The following PTPRD variants were observed in gnomAD, a reference collection of about 807,000 sequenced individuals.
The protein encoded by PTPRD is protein tyrosine phosphatase receptor type D.
Under a neutral mutation model 214.5 loss-of-function variants are expected in PTPRD, and 34 were observed. The observed-to-expected ratio is 0.16, with a 90% CI of 0.12 to 0.21. The LOEUF (loss-of-function observed/expected upper bound fraction) is 0.21, where lower values mean the gene tolerates loss of function less well. Ranked by LOEUF, PTPRD falls within the 10% of genes least tolerant of loss-of-function variation. The probability of loss-of-function intolerance (pLI) is 1.00; values close to 1 mark genes in which losing one functional copy is unlikely to be tolerated. For synonymous variants in PTPRD, 1,128 were observed against 845.7 expected, an observed-to-expected ratio of 1.33 and a Z score of -5.79; for missense variants, 2,545 against 2,398.7, an observed-to-expected ratio of 1.06 and a Z score of -1.27.
At chr9:9,601,134 T>G (rs1483899709) in intron 7 of PTPRD, among the ~76,000 whole-genome samples, 1 of 121,344 alleles carries the variant, frequency 8.2e-6, no homozygotes, top group African/African-American at 3.8e-5. Flanking sequence ...TGTGTGTGTG[T>G]GTGTGTGTGT....
chr9:10,276,296 G>C (rs78006638), intron 3 of PTPRD, among the ~76,000 whole-genome samples: 1,787 of 152,256 alleles, frequency 0.012, 19 homozygotes, highest in Non-Finnish European at 0.017. Context: ...GCATGACACA[G>C]CTACACAATC....
intron 4 of PTPRD, among the ~76,000 whole-genome samples, chr9:9,952,693 C>A (rs1055213991): frequency 6.6e-6 from 1 of 152,062 alleles, no homozygotes; most frequent in African/African-American, 2.4e-5. Context: ...TAACTATTCA[C>A]TGGGGAAAGG....
intron 35 of PTPRD, among the ~76,000 whole-genome samples, chr9:8,430,162 T>A (rs1373448911): frequency 6.6e-6 from 1 of 152,222 alleles, no homozygotes; most frequent in Admixed American, 6.5e-5. Flanking sequence ...AGTATTTCTA[T>A]TAGAAAACTG....
intron 2 of PTPRD, among the ~76,000 whole-genome samples, chr9:10,549,115 T>A (rs1210047582): frequency 1.3e-5 from 2 of 152,204 alleles, no homozygotes; most frequent in African/African-American, 2.4e-5. Flanking sequence ...CTTATCAATA[T>A]ATGTCCTGCG....
At chr9:10,219,491 G>A (rs1301668561) in intron 3 of PTPRD, among the ~76,000 whole-genome samples, 2 of 151,848 alleles carry the variant, frequency 1.3e-5, no homozygotes, top group East Asian at 1.9e-4. Flanking sequence ...GCAAAGGAAT[G>A]TAATTTAAAT....
Position 9,246,653 on chromosome 9 carries a change from A to G in PTPRD, c.-202-63290T>C, listed in dbSNP as rs1021779324. Among the ~76,000 whole-genome samples, 5 of 152,040 alleles carry G rather than the reference A, an allele frequency of 3.3e-5. 1 individual carries two copies. In the South Asian group the frequency reaches 1.0e-3, roughly 31 times the overall value. On this transcript the variant is annotated intron_variant, in intron 9 of 45. Coordinates refer to ENST00000381196, the MANE Select transcript of PTPRD (RefSeq NM_002839.4). ...CCTCTTATTAAGTATGTAACTGCTC[A>G]CACCATATAGCAGCCTCACTTTGGA...
intron 2 of PTPRD, among the ~76,000 whole-genome samples, chr9:10,416,133 A>G (rs2154513843): frequency 6.6e-6 from 1 of 151,844 alleles, no homozygotes; most frequent in South Asian, 2.1e-4. Flanking sequence ...GGATCACTTG[A>G]GGTCAGGAGT....
intron 4 of PTPRD, among the ~76,000 whole-genome samples, chr9:10,010,612 T>G (rs957585786): frequency 1.1e-4 from 17 of 151,832 alleles, no homozygotes; most frequent in African/African-American, 4.1e-4. Context: ...TCAACTCAGT[T>G]AATGGTGGCT....
chr9:8,927,298 G>A (rs1433458514), intron 11 of PTPRD, among the ~76,000 whole-genome samples: 1 of 152,040 alleles, frequency 6.6e-6, no homozygotes, highest in Non-Finnish European at 1.5e-5. Context: ...AGGCATACAT[G>A]TGTCATGGTG....
chr9:9,356,294 A>T (rs1361581830), intron 9 of PTPRD, among the ~76,000 whole-genome samples: 1 of 151,386 alleles, frequency 6.6e-6, no homozygotes, highest in Non-Finnish European at 1.5e-5. Context: ...GAAAGGAAAA[A>T]TTGATGTAGA....
intron 9 of PTPRD, among the ~76,000 whole-genome samples, chr9:9,263,903 T>C (rs2099981246): frequency 6.6e-6 from 1 of 151,374 alleles, no homozygotes; most frequent in South Asian, 2.1e-4. Flanking sequence ...TGCATATCAA[T>C]CCCCTGTAAT....
chr9:9,345,994 T>C (rs1569567555), intron 9 of PTPRD, among the ~76,000 whole-genome samples: 1 of 152,154 alleles, frequency 6.6e-6, no homozygotes. Context: ...TTTTAGAAGA[T>C]TTCAGGTGAA....
chr9:9,192,895 C>G (rs1431299729), intron 9 of PTPRD, among the ~76,000 whole-genome samples: 1 of 152,096 alleles, frequency 6.6e-6, no homozygotes, highest in African/African-American at 2.4e-5. Context: ...AAATCGCAAT[C>G]ATTTCTCTGA....
intron 2 of PTPRD, among the ~76,000 whole-genome samples, chr9:10,566,491 A>T (rs1173648090): frequency 1.3e-5 from 2 of 152,074 alleles, no homozygotes; most frequent in Non-Finnish European, 2.9e-5. Context: ...GTAGATTTTC[A>T]TATGATAACT....
At chr9:9,008,245 T>TTTATTTA (rs1289588309) in intron 11 of PTPRD, among the ~76,000 whole-genome samples, 1 of 18,874 alleles carries the variant, frequency 5.3e-5, no homozygotes, top group African/African-American at 1.2e-4. Flanking sequence ...TTATTTATTT[T>TTTATTTA]TGAGACAGAG....
At chr9:9,592,242 T>A (rs766939919) in intron 7 of PTPRD, among the ~76,000 whole-genome samples, 1 of 152,054 alleles carries the variant, frequency 6.6e-6, no homozygotes, top group African/African-American at 2.4e-5. Flanking sequence ...CTAAATTATA[T>A]CTTGTTCCAT....
At chr9:10,446,061 C>T (rs1242188246) in intron 2 of PTPRD, among the ~76,000 whole-genome samples, 1 of 151,996 alleles carries the variant, frequency 6.6e-6, no homozygotes, top group Non-Finnish European at 1.5e-5. Flanking sequence ...CATTCCAGAG[C>T]GGGGAAGTAC....
chr9:9,619,627 CTA>C (rs937146262), intron 7 of PTPRD, among the ~76,000 whole-genome samples: 28 of 143,236 alleles, frequency 2.0e-4, no homozygotes, highest in Non-Finnish European at 3.0e-4. Flanking sequence ...ATATAATAAT[CTA>C]TATGTTAATA....
chr9:9,533,603 C>T (rs960415580), intron 8 of PTPRD, among the ~76,000 whole-genome samples: 6 of 152,144 alleles, frequency 3.9e-5, no homozygotes, highest in African/African-American at 1.4e-4. Context: ...AAATGACCTT[C>T]AGATTTTACA....
Sources: gnomAD v4.1 joint callset for allele counts (sites outside exome capture counted in the v4.1 genomes callset) on GRCh38, gnomAD v4.1.1 for gene constraint, MANE v1.5 for transcripts, NCBI Gene and HGNC (gene_info 2026-07-23, HGNC 2026-07-21) for gene names.